The following TMEM132D variants were observed in gnomAD, a reference collection of about 807,000 sequenced individuals.
The protein encoded by TMEM132D is mature OL transmembrane protein.
TMEM132D carries 21 observed loss-of-function variants against 62.3 expected under a neutral mutation model. That is an observed-to-expected ratio of 0.34 (90% CI 0.24 to 0.49). The LOEUF (loss-of-function observed/expected upper bound fraction) is 0.49. Ranked by LOEUF, TMEM132D falls within the 20% of genes least tolerant of loss-of-function variation. The pLI is 0.99. For missense variants in TMEM132D, 1,346 were observed against 1,402.8 expected, an observed-to-expected ratio of 0.96 and a Z score of 0.65; for synonymous variants, 621 against 575.6, an observed-to-expected ratio of 1.08 and a Z score of -1.13.
chr12:129,413,134 T>C (rs1467283306), intron 3 of TMEM132D, among the ~76,000 whole-genome samples: 1 of 152,198 alleles, frequency 6.6e-6, no homozygotes, highest in African/African-American at 2.4e-5. Flanking sequence ...ATAAGTGATA[T>C]GGTCTGGCTG....
At chr12:129,509,238 C>A (rs2137072729) in intron 3 of TMEM132D, among the ~76,000 whole-genome samples, 1 of 152,190 alleles carries the variant, frequency 6.6e-6, no homozygotes, top group Admixed American at 6.5e-5. Flanking sequence ...TCAATGAGGG[C>A]TTAGTGAAAT....
chr12:129,559,994 C>A (rs1188588161), intron 2 of TMEM132D, among the ~76,000 whole-genome samples: 2 of 152,134 alleles, frequency 1.3e-5, no homozygotes, highest in Non-Finnish European at 2.9e-5. Flanking sequence ...GATGGAAAAC[C>A]AACAGCTGTT....
intron 2 of TMEM132D, among the ~76,000 whole-genome samples, chr12:129,545,542 T>C (rs1876709294): frequency 6.6e-6 from 1 of 152,220 alleles, no homozygotes; most frequent in Non-Finnish European, 1.5e-5. Flanking sequence ...ATAGGCACAG[T>C]GCTGTGCTGT....
intron 5 of TMEM132D, among the ~76,000 whole-genome samples, chr12:129,150,759 T>G (rs1877048311): frequency 6.6e-6 from 1 of 152,250 alleles, no homozygotes; most frequent in African/African-American, 2.4e-5. Flanking sequence ...AGTCTTCACT[T>G]CTTTCGTTCA....
chr12:129,264,295 G>A (rs557736701), intron 4 of TMEM132D, among the ~76,000 whole-genome samples: 10 of 152,260 alleles, frequency 6.6e-5, no homozygotes, highest in South Asian at 2.1e-4. Flanking sequence ...AGGCTGATGC[G>A]GGAGGATTGC....
At chr12:129,239,516 C>T (rs576531347) in intron 4 of TMEM132D, among the ~76,000 whole-genome samples, 1 of 152,258 alleles carries the variant, frequency 6.6e-6, no homozygotes, top group African/African-American at 2.4e-5. Flanking sequence ...CCCTCAGTAC[C>T]TTTGAGTGGG....
intron 1 of TMEM132D, among the ~76,000 whole-genome samples, chr12:129,800,202 G>T (rs146362831): frequency 2.6e-5 from 4 of 152,152 alleles, no homozygotes; most frequent in African/African-American, 9.7e-5. Context: ...GTGGATTTAA[G>T]TAGGGCACAA....
chr12:129,607,694 G>A (rs1878664595), intron 2 of TMEM132D, among the ~76,000 whole-genome samples: 1 of 152,134 alleles, frequency 6.6e-6, no homozygotes, highest in African/African-American at 2.4e-5. Flanking sequence ...TAAATAGAAT[G>A]ACCGACTACA....
chr12:129,810,753 C>G (rs984116771), intron 1 of TMEM132D, among the ~76,000 whole-genome samples: 9 of 152,160 alleles, frequency 5.9e-5, no homozygotes, highest in African/African-American at 1.9e-4. Flanking sequence ...ATTAATTTAT[C>G]TTTCAACGCG....
intron 1 of TMEM132D, among the ~76,000 whole-genome samples, chr12:129,714,712 G>A (rs1868508520): frequency 1.3e-5 from 2 of 151,954 alleles, no homozygotes; most frequent in African/African-American, 4.8e-5. Flanking sequence ...TTATTTTATT[G>A]AGGCTAATTA....
intron 3 of TMEM132D, among the ~76,000 whole-genome samples, chr12:129,481,234 C>T (rs1254597249): frequency 6.6e-6 from 1 of 151,814 alleles, no homozygotes; most frequent in Non-Finnish European, 1.5e-5. Context: ...CTTGTAACCC[C>T]AGAACTATGG....
chr12:129,132,237 CCTAT>C (rs1243667534), intron 5 of TMEM132D, among the ~76,000 whole-genome samples: 1 of 152,168 alleles, frequency 6.6e-6, no homozygotes, highest in Non-Finnish European at 1.5e-5. Context: ...TACCAACCTA[CCTAT>C]CTATCTGTCT....
chr12:129,326,221 T>A (rs1052753162), intron 4 of TMEM132D, among the ~76,000 whole-genome samples: 3 of 152,234 alleles, frequency 2.0e-5, no homozygotes, highest in African/African-American at 7.2e-5. Flanking sequence ...TTTCTCACGA[T>A]AACACTACTT....
intron 5 of TMEM132D, among the ~76,000 whole-genome samples, chr12:129,197,300 G>A (rs1878575926): frequency 6.6e-6 from 1 of 152,174 alleles, no homozygotes; most frequent in Admixed American, 6.5e-5. Flanking sequence ...CAAGCAGGCA[G>A]AGTTTGCCGA....
intron 1 of TMEM132D, among the ~76,000 whole-genome samples, chr12:129,843,005 A>C (rs1873246020): frequency 6.6e-6 from 1 of 152,238 alleles, no homozygotes; most frequent in Non-Finnish European, 1.5e-5. Flanking sequence ...AACATTCAGC[A>C]AATAATAGTA....
rs1870610095 is a variant in TMEM132D, at chr12:129,371,724, G to A, written c.1116-33907C>T. Among the ~76,000 whole-genome samples, 1 of 152,026 alleles carries A rather than the reference G, an allele frequency of 6.6e-6. No individual in the cohort carries two copies. The highest frequency in any genetic ancestry group is 1.5e-5 in the Non-Finnish European group (1 of 68,014). On this transcript the variant is annotated intron_variant, in intron 3 of 8. Coordinates refer to ENST00000422113, the MANE Select transcript of TMEM132D (RefSeq NM_133448.3). The surrounding 1 kb of genome is among the most constrained non-coding windows in gnomAD (Gnocchi z 4.3). ...GATGATAGTGATGGTGATGATGATG[G>A]GGTGTTTAGAACTGGAAAACATGGA...
Position 129,073,969 on chromosome 12 carries a change from C to T in TMEM132D, c.3206G>A (p.Ser1069Asn), listed in dbSNP as rs1874160062. The T allele has an allele frequency of 2.5e-6, 4 of 1,613,474 alleles. No individual in the cohort carries two copies. In the Admixed American group the frequency reaches 6.7e-5, roughly 27 times the overall value. ...GCAGACCCACTTAATGTCATCCTCG[C>T]TACTCATCACGATGGAGTTCCTGGT... ...YPTRNSIVMS[S>N]EDDIKWVCQD... Residue 1069 changes from serine (S) to asparagine (N), a missense_variant, in exon 9 of 9, where the codon AGC (serine) becomes AAC (asparagine). Transcript: ENST00000422113.
At chr12:129,404,890 C>T (rs926510117) in intron 3 of TMEM132D, among the ~76,000 whole-genome samples, 2 of 152,094 alleles carry the variant, frequency 1.3e-5, no homozygotes, top group Admixed American at 1.3e-4. Context: ...CAAACCCCAT[C>T]AGGAAGCTGC....
intron 1 of TMEM132D, among the ~76,000 whole-genome samples, chr12:129,726,991 T>TGG: frequency 6.6e-6 from 1 of 152,310 alleles, no homozygotes; most frequent in South Asian, 2.1e-4. Context: ...TGTGGATTTA[T>TGG]TTGCTATGGG....
Sources: allele counts gnomAD v4.1 joint callset (sites outside exome capture counted in the v4.1 genomes callset), GRCh38; gene constraint gnomAD v4.1.1; non-coding constraint Gnocchi (gnomAD v3.1); transcripts MANE v1.5; gene names NCBI Gene and HGNC (gene_info 2026-07-23, HGNC 2026-07-21).